Variants in ZBTB7C observed in about 807,000 individuals in gnomAD.
The protein encoded by ZBTB7C is zinc finger and BTB domain containing 7C, also known as zinc finger and BTB domain-containing protein 7C.
A neutral mutation model predicts 25.7 loss-of-function variants in ZBTB7C; 8 were observed. That is an observed-to-expected ratio of 0.31 (90% CI 0.18 to 0.56). ZBTB7C has a LOEUF of 0.56. Among genes scored for constraint, ZBTB7C ranks in the 20% least tolerant of loss-of-function variants. The pLI, the probability that ZBTB7C is intolerant of heterozygous loss-of-function variation, is 0.91. For synonymous variants in ZBTB7C, 394 were observed against 369.0 expected, an observed-to-expected ratio of 1.07 and a Z score of -0.78; for missense variants, 824 against 855.2, an observed-to-expected ratio of 0.96 and a Z score of 0.46.
chr18:48,259,913 G>C (rs540343765), intron 2 of ZBTB7C, among the ~76,000 whole-genome samples: 1 of 152,196 alleles, frequency 6.6e-6, no homozygotes, highest in East Asian at 1.9e-4. Context: ...TCACTGATAG[G>C]AATGGAAAAT....
At chr18:48,050,642 C>G (rs893798274) in intron 3 of ZBTB7C, among the ~76,000 whole-genome samples, 8 of 152,308 alleles carry the variant, frequency 5.3e-5, no homozygotes, top group Admixed American at 5.2e-4. Context: ...CCTCCTCTTT[C>G]CCTGCAATGT....
intron 1 of ZBTB7C, among the ~76,000 whole-genome samples, chr18:48,349,008 G>C (rs1299102567): frequency 6.6e-6 from 1 of 152,196 alleles, no homozygotes; most frequent in Non-Finnish European, 1.5e-5. Context: ...CTGAGGGACA[G>C]ATGGGAGGCA....
chr18:48,183,738 G>C (rs1194832982), intron 3 of ZBTB7C, among the ~76,000 whole-genome samples: 1 of 152,162 alleles, frequency 6.6e-6, no homozygotes. Flanking sequence ...CCTTGCTCTT[G>C]GTTGAGGTGA....
At chr18:48,272,376 C>T (rs1403281704) in intron 2 of ZBTB7C, among the ~76,000 whole-genome samples, 1 of 152,176 alleles carries the variant, frequency 6.6e-6, no homozygotes, top group Non-Finnish European at 1.5e-5. Flanking sequence ...GAGACTTATA[C>T]CCTTGGATCC....
At chr18:48,045,486 T>C (rs545726302) in intron 3 of ZBTB7C, among the ~76,000 whole-genome samples, 2 of 152,312 alleles carry the variant, frequency 1.3e-5, no homozygotes, top group East Asian at 3.9e-4. Flanking sequence ...GTGGCCACAA[T>C]GCTCCCCTCC....
intron 1 of ZBTB7C, among the ~76,000 whole-genome samples, chr18:48,344,329 A>G (rs1212739667): frequency 2.0e-5 from 3 of 152,236 alleles, no homozygotes; most frequent in Non-Finnish European, 4.4e-5. Flanking sequence ...CTACGTGCTT[A>G]TGAATCACCT....
chr18:48,181,756 G>C (rs916634433), intron 3 of ZBTB7C, among the ~76,000 whole-genome samples: 1 of 152,164 alleles, frequency 6.6e-6, no homozygotes, highest in African/African-American at 2.4e-5. Context: ...GGGGTTGCAG[G>C]TTCCAGAGTA....
At chr18:48,102,784 G>A (rs1190470985) in intron 3 of ZBTB7C, among the ~76,000 whole-genome samples, 1 of 151,806 alleles carries the variant, frequency 6.6e-6, no homozygotes, top group Non-Finnish European at 1.5e-5. Context: ...AGGCAGGAAG[G>A]GAATACATGT....
intron 2 of ZBTB7C, among the ~76,000 whole-genome samples, chr18:48,289,766 A>G (rs1352715844): frequency 6.6e-6 from 1 of 152,172 alleles, no homozygotes; most frequent in Non-Finnish European, 1.5e-5. Context: ...ATATGCGCCC[A>G]GGTACATGTC....
intron 3 of ZBTB7C, among the ~76,000 whole-genome samples, chr18:48,181,101 T>G (rs891869651): frequency 2.6e-5 from 4 of 152,222 alleles, no homozygotes; most frequent in African/African-American, 9.7e-5. Flanking sequence ...AAATAGTGCC[T>G]GTTACAGAGT....
chr18:48,355,261 T>C lies in ZBTB7C; in HGVS notation c.-303-16863A>G, dbSNP rs185541715. On this transcript the variant is annotated intron_variant, in intron 1 of 4. Transcript: ENST00000590800. ...TGTGGGGGAAGAAATCCAGTGAGGC[T>C]GGAGGGCAGTAATGGGGGAACAGAG... Among the ~76,000 whole-genome samples the C allele has an allele frequency of 1.2e-3, 176 of 152,310 alleles. 1 individual carries two copies. Among genetic ancestry groups the C allele is most frequent in the African/African-American group, 4.1e-3 (171 of 41,566 alleles).
At chr18:48,162,628 G>C (rs376220455) in intron 3 of ZBTB7C, among the ~76,000 whole-genome samples, 293 of 152,272 alleles carry the variant, frequency 1.9e-3, no homozygotes, top group African/African-American at 6.8e-3. Context: ...TAGATGTGGG[G>C]TTGAATCCTG....
intron 3 of ZBTB7C, among the ~76,000 whole-genome samples, chr18:48,099,373 A>G (rs1393972930): frequency 6.6e-6 from 1 of 152,242 alleles, no homozygotes; most frequent in Non-Finnish European, 1.5e-5. Flanking sequence ...TGCTTAGTAT[A>G]TAATAGGCAA....
chr18:48,042,925 C>T (rs1177363480), intron 3 of ZBTB7C, among the ~76,000 whole-genome samples: 2 of 152,156 alleles, frequency 1.3e-5, no homozygotes, highest in African/African-American at 2.4e-5. Context: ...TAAAAATGTA[C>T]AGCAAGATTC....
chr18:48,214,430 T>C (rs974935519), intron 2 of ZBTB7C, among the ~76,000 whole-genome samples: 3 of 151,680 alleles, frequency 2.0e-5, no homozygotes, highest in South Asian at 2.1e-4. Context: ...CTTAACATAA[T>C]GTCCTCAAGG....
At chr18:48,170,204 C>CCCTG (rs992810295) in intron 3 of ZBTB7C, among the ~76,000 whole-genome samples, 1 of 152,260 alleles carries the variant, frequency 6.6e-6, no homozygotes, top group African/African-American at 2.4e-5. Flanking sequence ...GGACCAAAGA[C>CCCTG]CCTGCCTCAG....
At chr18:48,407,814 T>C (rs938493581) in intron 1 of ZBTB7C, among the ~76,000 whole-genome samples, 5 of 152,126 alleles carry the variant, frequency 3.3e-5, no homozygotes, top group Non-Finnish European at 7.3e-5. Context: ...GACTGAGAGT[T>C]TCCACCTCTC....
chr18:48,092,065 A>G (rs1012581566), intron 3 of ZBTB7C, among the ~76,000 whole-genome samples: 6 of 152,202 alleles, frequency 3.9e-5, no homozygotes, highest in Admixed American at 2.6e-4. Flanking sequence ...AATCATTAAC[A>G]TGCTGATATT....
chr18:48,044,332 C>G (rs1200446789), intron 3 of ZBTB7C, among the ~76,000 whole-genome samples: 1 of 152,216 alleles, frequency 6.6e-6, no homozygotes, highest in African/African-American at 2.4e-5. Flanking sequence ...TCCTACATCT[C>G]CACATCCTCC....
Sources: allele counts gnomAD v4.1 joint callset (sites outside exome capture counted in the v4.1 genomes callset), GRCh38; gene constraint gnomAD v4.1.1; transcripts MANE v1.5; gene names NCBI Gene and HGNC (gene_info 2026-07-23, HGNC 2026-07-21).